The following SATL1 variants were observed in gnomAD, a reference collection of about 807,000 sequenced individuals.
SATL1 encodes spermidine/spermine N(1)-acetyltransferase-like protein 1.
SATL1 carries 47 observed loss-of-function variants against 51.8 expected under a neutral mutation model. The observed-to-expected ratio is 0.91, with a 90% CI of 0.72 to 1.16. The LOEUF (loss-of-function observed/expected upper bound fraction) is 1.16. SATL1 is among the 50% of genes most tolerant of loss of function. The pLI is 0.00. For missense variants in SATL1, 520 were observed against 526.4 expected, an observed-to-expected ratio of 0.99 and a Z score of 0.12; for synonymous variants, 176 against 182.4, an observed-to-expected ratio of 0.97 and a Z score of 0.28.
intron 1 of SATL1, among the ~76,000 whole-genome samples, chrX:85,243,308 A>G (rs1297823844): frequency 8.9e-6 from 1 of 112,128 alleles, no homozygotes; most frequent in Non-Finnish European, 1.9e-5. Flanking sequence ...GTCCCCACCT[A>G]CCTTTCATCA....
intron 2 of SATL1, among the ~76,000 whole-genome samples, chrX:85,218,494 C>G (rs1193065735): frequency 2.7e-5 from 3 of 111,498 alleles, no homozygotes; most frequent in Non-Finnish European, 5.7e-5. Flanking sequence ...GCATGAACCT[C>G]TATCATAAAA....
chrX:85,199,052 C>T (rs1010924846), intron 2 of SATL1, among the ~76,000 whole-genome samples: 8 of 109,709 alleles, frequency 7.3e-5, no homozygotes, highest in African/African-American at 2.3e-4. Context: ...TGTTGGCCAG[C>T]ATGGTCTCGA....
chrX:85,156,362 C>G (rs1926586697), intron 2 of SATL1: 1 of 111,415 alleles, frequency 9.0e-6, no homozygotes, highest in Non-Finnish European at 1.9e-5. Context: ...TAGCAGAATT[C>G]TGCATATGAT....
At chrX:85,112,789 C>A (rs1339044229) in intron 2 of SATL1, among the ~76,000 whole-genome samples, 1 of 111,176 alleles carries the variant, frequency 9.0e-6, no homozygotes, top group Non-Finnish European at 1.9e-5. Context: ...GACTGCCTTT[C>A]CTGGTGCCAG....
Position 85,107,852 on chromosome X carries a change from G to T in SATL1, c.1117C>A (p.Gln373Lys), listed in dbSNP as rs1450240623. Reference protein sequence around the residue: ...QSSTSQAGTNQSGISQPVMWQ... With the variant: ...QSSTSQAGTNKSGISQPVMWQ... Reference sequence around the variant, plus strand: ...ATCACTGGTTGGCTTATACCTGATTGGTTTGTGCCTGCTTGGCTCGTGCTT... The same window carrying T: ...ATCACTGGTTGGCTTATACCTGATTTGTTTGTGCCTGCTTGGCTCGTGCTT... The change falls in exon 3 of 8, where the codon CAA (glutamine) becomes AAA (lysine). Residue 373 changes from glutamine to lysine, a missense_variant. Around this residue, in one of 3 missense-constraint regions of SATL1, gnomAD observed 488 missense variants for 474.3 expected, o/e 1.03. Transcript: ENST00000644105. The T allele has an allele frequency of 5.0e-6, 6 of 1,209,793 alleles. No homozygotes were observed. The Admixed American group carries it at 1.3e-4, about 26-fold the overall frequency.
At chrX:85,110,727 A>G (rs1425469687) in intron 2 of SATL1, among the ~76,000 whole-genome samples, 1 of 112,352 alleles carries the variant, frequency 8.9e-6, no homozygotes, top group African/African-American at 3.2e-5. Context: ...TAGAGAGCCC[A>G]TCTTAGCATG....
intron 2 of SATL1, among the ~76,000 whole-genome samples, chrX:85,185,106 G>T (rs1290833760): frequency 8.9e-6 from 1 of 112,175 alleles, no homozygotes; most frequent in African/African-American, 3.2e-5. Context: ...GTACCACCTT[G>T]TTGGTCTTGG....
At chrX:85,193,655 C>T (rs1927489169) in intron 2 of SATL1, among the ~76,000 whole-genome samples, 2 of 111,661 alleles carry the variant, frequency 1.8e-5, no homozygotes, top group South Asian at 7.5e-4. Context: ...ACCTTTTCTG[C>T]TCCTCTCTGT....
chrX:85,179,100 A>G (rs1174583931), intron 2 of SATL1, among the ~76,000 whole-genome samples: 1 of 112,125 alleles, frequency 8.9e-6, no homozygotes, highest in East Asian at 2.8e-4. Flanking sequence ...AAATGTGGCA[A>G]GTATAACTAA....
chrX:85,174,392 G>A (rs1341725341), intron 2 of SATL1, among the ~76,000 whole-genome samples: 1 of 107,274 alleles, frequency 9.3e-6, no homozygotes, highest in Admixed American at 1.0e-4. Context: ...GCATAATCTC[G>A]GCTCACTGCA....
chrX:85,157,706 A>C (rs1272337199), intron 2 of SATL1, among the ~76,000 whole-genome samples: 1 of 111,460 alleles, frequency 9.0e-6, no homozygotes, highest in African/African-American at 3.3e-5. Flanking sequence ...AATGCCCATC[A>C]CTTAGGCTAT....
chrX:85,185,978 C>T (rs758965229), intron 2 of SATL1, among the ~76,000 whole-genome samples: 2 of 110,843 alleles, frequency 1.8e-5, no homozygotes, highest in African/African-American at 3.3e-5. Context: ...CCAAGGCCCA[C>T]GGCGAGTACC....
intron 2 of SATL1, among the ~76,000 whole-genome samples, chrX:85,220,481 T>A (rs1480233509): frequency 9.4e-6 from 1 of 106,260 alleles, no homozygotes; most frequent in Non-Finnish European, 1.9e-5. Context: ...AGCTTGTGGC[T>A]CCAAAAGAGA....
chrX:85,242,226 A>C (rs1317909761), intron 1 of SATL1, among the ~76,000 whole-genome samples: 1 of 112,550 alleles, frequency 8.9e-6, no homozygotes, highest in African/African-American at 3.2e-5. Flanking sequence ...TTCTTCTTTG[A>C]GTGTCCTGTT....
chrX:85,203,150 A>C (rs1467409842), intron 2 of SATL1, among the ~76,000 whole-genome samples: 2 of 111,714 alleles, frequency 1.8e-5, no homozygotes, highest in Non-Finnish European at 3.8e-5. Context: ...TCACCAGTGA[A>C]GCCTGCAAAA....
At chrX:85,094,056 C>T in intron 6 of SATL1, 72 bp downstream of exon 6, 1 of 553,118 alleles carries the variant, frequency 1.8e-6, no homozygotes. Context: ...TATAGTAAAG[C>T]CCTATCTCCT....
At chrX:85,166,604 A>T (rs763487884) in intron 2 of SATL1, among the ~76,000 whole-genome samples, 34 of 111,649 alleles carry the variant, frequency 3.0e-4, no homozygotes, top group Non-Finnish European at 6.4e-4. Flanking sequence ...AAGAAAGGCC[A>T]TAACTAAAAA....
intron 2 of SATL1, among the ~76,000 whole-genome samples, chrX:85,113,992 G>C (rs186968066): frequency 1.8e-5 from 2 of 111,969 alleles, no homozygotes; most frequent in Admixed American, 9.5e-5. Context: ...GTTTTCACAA[G>C]AGACTTTTAT....
At chrX:85,132,194 C>T (rs1196169847) in intron 2 of SATL1, among the ~76,000 whole-genome samples, 1 of 111,435 alleles carries the variant, frequency 9.0e-6, no homozygotes, top group Admixed American at 9.6e-5. Flanking sequence ...GAATGTTGGC[C>T]TGCCTTGCTA....
Sources: allele counts gnomAD v4.1 joint callset (sites outside exome capture counted in the v4.1 genomes callset), GRCh38; gene constraint gnomAD v4.1.1; regional missense constraint gnomAD v4.1.1; transcripts MANE v1.5; gene names NCBI Gene and HGNC (gene_info 2026-07-23, HGNC 2026-07-21).